The following SHOC1 variants were observed in gnomAD, a reference collection of about 807,000 sequenced individuals.
SHOC1 encodes protein shortage in chiasmata 1 ortholog.
SHOC1 carries 136 observed loss-of-function variants against 179.2 expected under a neutral mutation model. The observed-to-expected ratio is 0.76, with a 90% CI of 0.66 to 0.87. The LOEUF (loss-of-function observed/expected upper bound fraction) is 0.87. SHOC1 is among the 40% of genes least tolerant of loss of function. SHOC1 has a pLI of 0.00. For missense variants in SHOC1, 1,538 were observed against 1,700.8 expected (o/e 0.90, Z 1.68); for synonymous variants, 489 against 586.6 (o/e 0.83, Z 2.41).
chr9:111,765,554 C>A, intron 5 of SHOC1, among the ~76,000 whole-genome samples: 1 of 152,084 alleles, frequency 6.6e-6, no homozygotes, highest in South Asian at 2.1e-4. Context: ...TGCACCATTG[C>A]ACTCCAGCCT....
intron 25 of SHOC1, 102 bp from the exon 26 acceptor site, chr9:111,694,050 C>G (rs1554708317): frequency 1.1e-6 from 1 of 941,516 alleles, no homozygotes; most frequent in South Asian, 1.8e-5. Context: ...GTTTAATAGT[C>G]AGTAGTCTTT....
At chr9:111,732,633 G>A (rs933290388) in intron 12 of SHOC1, among the ~76,000 whole-genome samples, 1 of 152,172 alleles carries the variant, frequency 6.6e-6, no homozygotes, top group African/African-American at 2.4e-5. Flanking sequence ...ATTATGCTCA[G>A]TGGAAGAAGG....
At position 111,691,563 on chromosome 9, in the gene SHOC1, C is replaced by G. The variant is rs140324495; in HGVS notation, c.4414G>C (p.Glu1472Gln). 2 of 1,611,170 alleles carry G rather than the reference C, an allele frequency of 1.2e-6. No homozygotes were observed. Among genetic ancestry groups the G allele is most frequent in the South Asian group, 2.2e-5 (2 of 90,760 alleles). Reference sequence around the variant, plus strand: ...TGGATAGTGTTACCTGTTAATGATTCCTTGTCTCCTGAGTTAAATGAAGAT... The same window carrying G: ...TGGATAGTGTTACCTGTTAATGATTGCTTGTCTCCTGAGTTAAATGAAGAT... ...HESSFNSGDK[E>Q]SLTGFMCSQL... The change falls in exon 27 of 28, where the codon GAA (glutamate) becomes CAA (glutamine). Residue 1472 changes from glutamate to glutamine, a missense_variant. Coordinates refer to ENST00000682961, the MANE Select transcript of SHOC1 (RefSeq NM_001378211.1).
At chr9:111,759,571 T>C in intron 5 of SHOC1, 1 of 1,103,146 alleles carries the variant, frequency 9.1e-7, no homozygotes, top group Non-Finnish European at 1.1e-6. Context: ...GGAAGGAACA[T>C]AAACTTGCCC....
At chr9:111,726,625 A>G (rs148479128) in intron 13 of SHOC1, among the ~76,000 whole-genome samples, 1,695 of 152,242 alleles carry the variant, frequency 0.011, 51 homozygotes, top group Admixed American at 0.065. Flanking sequence ...AAATAAATAT[A>G]CCCATCATGA....
At chr9:111,789,220 G>C (rs879443881) in intron 2 of SHOC1, among the ~76,000 whole-genome samples, 1 of 151,906 alleles carries the variant, frequency 6.6e-6, no homozygotes, top group Non-Finnish European at 1.5e-5. Flanking sequence ...AAGTGGTAAA[G>C]AGAAAAAGAT....
intron 5 of SHOC1, among the ~76,000 whole-genome samples, chr9:111,770,008 T>A (rs1835533611): frequency 7.9e-6 from 1 of 126,114 alleles, no homozygotes; most frequent in Non-Finnish European, 1.7e-5. Context: ...TTTTTTTTTT[T>A]AGTCTTAGTT....
intron 13 of SHOC1, among the ~76,000 whole-genome samples, chr9:111,725,931 T>C (rs1833274976): frequency 6.6e-6 from 1 of 152,196 alleles, no homozygotes; most frequent in African/African-American, 2.4e-5. Flanking sequence ...CATAAGCCAT[T>C]ATCACCACTA....
chr9:111,715,824 T>G (rs13289475), intron 16 of SHOC1, among the ~76,000 whole-genome samples: 8,514 of 152,214 alleles, frequency 0.056, 593 homozygotes, highest in African/African-American at 0.16. Flanking sequence ...ACCATATATC[T>G]CTGTTGTAAT....
At position 111,731,455 on chromosome 9, in the gene SHOC1, G is replaced by A. The variant is rs144161566; in HGVS notation, c.1418-3406C>T. Among the ~76,000 whole-genome samples, 42 of 152,214 alleles carry A rather than the reference G, an allele frequency of 2.8e-4. No homozygotes were observed. In the East Asian group the frequency reaches 4.6e-3, roughly 17 times the overall value. The stretch of plus-strand genomic sequence containing the variant: ...TATTAATTGGCCTAATTTTAGTACC[G>A]TTGTGTCTCGACAGACATAGAGTGG... On this transcript the variant is annotated intron_variant, in intron 12 of 27. Coordinates refer to ENST00000682961, the MANE Select transcript of SHOC1 (RefSeq NM_001378211.1).
At chr9:111,707,953 G>C in intron 18 of SHOC1, 29 bp from the exon 19 acceptor site, 1 of 1,385,990 alleles carries the variant, frequency 7.2e-7, no homozygotes, top group Non-Finnish European at 9.9e-7. Flanking sequence ...ATTTTTTTCA[G>C]TGTCTTGTTC....
chr9:111,716,318 C>T (rs1832783538), intron 16 of SHOC1, among the ~76,000 whole-genome samples: 1 of 148,690 alleles, frequency 6.7e-6, no homozygotes, highest in African/African-American at 2.5e-5. Context: ...TTATAGACTA[C>T]ACTACTTAAA....
intron 5 of SHOC1, chr9:111,759,260 T>TC (rs1835027831): frequency 6.2e-7 from 1 of 1,613,358 alleles, no homozygotes; most frequent in Admixed American, 1.7e-5. Flanking sequence ...TCTTAATATC[T>TC]CCAATTCATC....
chr9:111,775,411 C>T (rs1835791734), intron 5 of SHOC1, among the ~76,000 whole-genome samples: 1 of 152,118 alleles, frequency 6.6e-6, no homozygotes, highest in Non-Finnish European at 1.5e-5. Flanking sequence ...TTAGATGAGA[C>T]TGAAAACATT....
intron 8 of SHOC1, among the ~76,000 whole-genome samples, chr9:111,750,072 T>C (rs762928469): frequency 6.6e-6 from 1 of 152,196 alleles, no homozygotes; most frequent in Non-Finnish European, 1.5e-5. Flanking sequence ...TCAAATGGTA[T>C]TTCTGCTTCT....
intron 4 of SHOC1, among the ~76,000 whole-genome samples, chr9:111,778,229 G>A (rs1041275730): frequency 6.6e-6 from 1 of 152,032 alleles, no homozygotes; most frequent in Non-Finnish European, 1.5e-5. Flanking sequence ...GTCTTTTCCA[G>A]GTTTCTACTC....
At chr9:111,697,690 C>A (rs1353950678) in intron 24 of SHOC1, among the ~76,000 whole-genome samples, 1 of 152,250 alleles carries the variant, frequency 6.6e-6, no homozygotes, top group East Asian at 1.9e-4. Context: ...GATTTATAAT[C>A]CTTTGGGTAT....
rs548311916 is a variant in SHOC1, at chr9:111,741,513, T to G, written c.1137A>C (p.Glu379Asp). The part of the protein sequence containing the change: ...ANEYYMMWQL[E>D]RCRSPLNPFL... ...ATGGGTTCAAAGGGCTTCTACATCT[T>G]TCTAATTGCCACATCATGTAGTATT... Residue 379 changes from glutamate to aspartate, a missense_variant, in exon 11 of 28, where the codon GAA becomes GAC. Glu to Asp is a conservative substitution (Grantham distance 45). Coordinates refer to ENST00000682961, the MANE Select transcript of SHOC1 (RefSeq NM_001378211.1). 1 of 1,612,532 alleles carries G rather than the reference T, an allele frequency of 6.2e-7. No homozygotes were observed. The highest frequency in any genetic ancestry group is 1.3e-5 in the African/African-American group (1 of 74,992).
intron 3 of SHOC1, among the ~76,000 whole-genome samples, chr9:111,783,706 A>C (rs775221051): frequency 1.3e-5 from 2 of 152,238 alleles, no homozygotes; most frequent in South Asian, 2.1e-4. Flanking sequence ...CTTGAGAAGC[A>C]GGTTCACTGT....
Sources: gnomAD v4.1 joint callset for allele counts (sites outside exome capture counted in the v4.1 genomes callset) on GRCh38, gnomAD v4.1.1 for gene constraint, MANE v1.5 for transcripts, NCBI Gene and HGNC (gene_info 2026-07-23, HGNC 2026-07-21) for gene names.